Variants in PPHLN1 observed in about 807,000 individuals in gnomAD.
PPHLN1 encodes periphilin 1.
Under a neutral mutation model 51.3 loss-of-function variants are expected in PPHLN1, and 29 were observed. That is an observed-to-expected ratio of 0.57 (90% CI 0.42 to 0.77). The LOEUF is 0.77. PPHLN1 is among the 30% of genes least tolerant of loss of function. PPHLN1 has a pLI of 0.00. For synonymous variants in PPHLN1, 147 were observed against 147.8 expected, an observed-to-expected ratio of 0.99 and a Z score of 0.04; for missense variants, 436 against 438.4, an observed-to-expected ratio of 0.99 and a Z score of 0.05.
At chr12:42,446,629 T>C, downstream of PPHLN1, 1 of 1,612,688 alleles carries the variant, frequency 6.2e-7, no homozygotes, top group Non-Finnish European at 8.5e-7. Context: ...CTGCTATGCC[T>C]GACAAAACTG....
chr12:42,425,625 G>T (rs2081389458), intron 9 of PPHLN1, among the ~76,000 whole-genome samples: 1 of 151,758 alleles, frequency 6.6e-6, no homozygotes, highest in Admixed American at 6.6e-5. Flanking sequence ...CTGACCTTGT[G>T]ATCCACCTGC....
At chr12:42,368,254 T>G (rs1046625462) in intron 4 of PPHLN1, among the ~76,000 whole-genome samples, 2 of 152,186 alleles carry the variant, frequency 1.3e-5, no homozygotes, top group African/African-American at 2.4e-5. Context: ...GATCTTTTTA[T>G]TCTGTCTTTT....
intron 9 of PPHLN1, among the ~76,000 whole-genome samples, chr12:42,404,168 G>A (rs1054333721): frequency 6.6e-6 from 1 of 152,068 alleles, no homozygotes; most frequent in African/African-American, 2.4e-5. Flanking sequence ...TAATGGTAGT[G>A]TTAAGTAATA....
rs565062066 is a variant in PPHLN1, at chr12:42,375,559, C to T, written c.511+485C>T. Among the ~76,000 whole-genome samples the T allele has an allele frequency of 5.9e-5, 9 of 152,264 alleles. No individual in the cohort carries two copies. In the East Asian group the frequency reaches 1.7e-3, roughly 29 times the overall value. The stretch of plus-strand genomic sequence containing the variant: ...ACTCCTGATCTCGTGATCCGCCCAC[C>T]TCTGCCTCCCAAAGTGGTGGGATTA... On this transcript the variant is annotated intron_variant, in intron 5 of 9. Transcript: ENST00000358314.
chr12:42,357,054 T>C (rs942882688), intron 4 of PPHLN1, among the ~76,000 whole-genome samples: 1 of 152,166 alleles, frequency 6.6e-6, no homozygotes, highest in African/African-American at 2.4e-5. Flanking sequence ...TAATGAGTGA[T>C]AGGAATAAAC....
At chr12:42,396,657 T>C (rs2078242162) in intron 8 of PPHLN1, among the ~76,000 whole-genome samples, 1 of 103,666 alleles carries the variant, frequency 9.6e-6, no homozygotes, top group Non-Finnish European at 1.9e-5. Flanking sequence ...AAGCTGGGTG[T>C]GGTGGCCGCT....
chr12:42,414,419 T>C (rs1261926787), intron 9 of PPHLN1, among the ~76,000 whole-genome samples: 6 of 152,264 alleles, frequency 3.9e-5, no homozygotes, highest in Non-Finnish European at 5.9e-5. Context: ...ATTCTTCCAA[T>C]CCATGAGCAT....
chr12:42,446,847 G>A, downstream of PPHLN1: 1 of 462,162 alleles, frequency 2.2e-6, no homozygotes, highest in Non-Finnish European at 3.8e-6. Context: ...AGGGCGAACA[G>A]TAGGTAGCAA....
intron 3 of PPHLN1, among the ~76,000 whole-genome samples, chr12:42,354,258 G>A (rs1384263080): frequency 6.6e-6 from 1 of 152,126 alleles, no homozygotes; most frequent in African/African-American, 2.4e-5. Flanking sequence ...TCATTCTGTT[G>A]CCCAGGCTGG....
intron 9 of PPHLN1, chr12:42,399,509 T>A: frequency 4.0e-6 from 3 of 747,436 alleles, no homozygotes; most frequent in Non-Finnish European, 4.9e-6. Context: ...TTATGAGGAT[T>A]AAATGAAGTA....
At chr12:42,337,322 G>C (rs2070813537) in intron 2 of PPHLN1, among the ~76,000 whole-genome samples, 1 of 148,922 alleles carries the variant, frequency 6.7e-6, no homozygotes, top group African/African-American at 2.5e-5. Context: ...GGAGTGCAAT[G>C]GCGCAGTCTT....
intron 9 of PPHLN1, among the ~76,000 whole-genome samples, chr12:42,428,820 C>CTTT (rs59053077): frequency 0.032 from 3,766 of 117,934 alleles, 73 homozygotes; most frequent in African/African-American, 0.056. Flanking sequence ...TTTTTAACTT[C>CTTT]TTTTTTTTTT....
chr12:42,359,439 G>A (rs1057172809), intron 4 of PPHLN1: 1 of 152,150 alleles, frequency 6.6e-6, no homozygotes, highest in African/African-American at 2.4e-5. Flanking sequence ...CAAAGAAAAA[G>A]CAGGGAATAG....
At chr12:42,408,673 G>A (rs2079531891) in intron 9 of PPHLN1, among the ~76,000 whole-genome samples, 1 of 152,064 alleles carries the variant, frequency 6.6e-6, no homozygotes, top group South Asian at 2.1e-4. Flanking sequence ...TAATGGGATT[G>A]GTGACATTAC....
At chr12:42,443,340 A>T (rs1340590332), downstream of PPHLN1, 2 of 152,432 alleles carry the variant, frequency 1.3e-5, no homozygotes, top group African/African-American at 4.8e-5. Context: ...CAAGTATATG[A>T]ACCCATTACT....
intron 8 of PPHLN1, among the ~76,000 whole-genome samples, chr12:42,394,715 C>T (rs2139209894): frequency 6.6e-6 from 1 of 152,100 alleles, no homozygotes; most frequent in African/African-American, 2.4e-5. Flanking sequence ...GCATATTCTC[C>T]AGTAAATGTA....
intron 5 of PPHLN1, among the ~76,000 whole-genome samples, chr12:42,380,420 C>T (rs1244043306): frequency 6.6e-6 from 1 of 151,940 alleles, no homozygotes; most frequent in Non-Finnish European, 1.5e-5. Context: ...TACTGTTAGT[C>T]ATTAGTGTTT....
At chr12:42,446,578 T>C, downstream of PPHLN1, 6 of 1,613,004 alleles carry the variant, frequency 3.7e-6, no homozygotes, top group Non-Finnish European at 4.2e-6. Context: ...TCTCTTGTTG[T>C]TTACTAATTC....
chr12:42,445,282 G>A (rs2140046078), downstream of PPHLN1: 1 of 593,948 alleles, frequency 1.7e-6, no homozygotes, highest in East Asian at 2.9e-5. Context: ...CAAAATTAGA[G>A]AAACTTAACT....
Sources: gnomAD v4.1 joint callset for allele counts (sites outside exome capture counted in the v4.1 genomes callset) on GRCh38, gnomAD v4.1.1 for gene constraint, MANE v1.5 for transcripts, NCBI Gene and HGNC (gene_info 2026-07-23, HGNC 2026-07-21) for gene names.